PTPRN2: variants seen among roughly 807,000 people sequenced by gnomAD.
PTPRN2 encodes receptor-type tyrosine-protein phosphatase N2.
In PTPRN2, 74 loss-of-function variants were observed where a neutral mutation model predicts 118.8. That is an observed-to-expected ratio of 0.62 (90% confidence interval 0.52 to 0.76). The LOEUF (loss-of-function observed/expected upper bound fraction) is 0.76. Ranked by LOEUF, PTPRN2 falls within the 30% of genes least tolerant of loss-of-function variation. The pLI is 0.00. For synonymous variants in PTPRN2, 641 were observed against 608.0 expected (o/e 1.05, Z -0.80); for missense variants, 1,481 against 1,394.4 (o/e 1.06, Z -0.99).
At chr7:158,086,393 A>G (rs760036542) in intron 10 of PTPRN2, among the ~76,000 whole-genome samples, 1 of 152,204 alleles carries the variant, frequency 6.6e-6, no homozygotes, top group Non-Finnish European at 1.5e-5. Context: ...CTCAGCCACA[A>G]AGGGGGAATG....
At chr7:158,158,429 G>T (rs541110610) in intron 6 of PTPRN2, among the ~76,000 whole-genome samples, 1 of 152,242 alleles carries the variant, frequency 6.6e-6, no homozygotes, top group South Asian at 2.1e-4. Context: ...GTCACGGAAG[G>T]CTCGAAGGAG....
At position 158,381,728 on chromosome 7, in the gene PTPRN2, G is replaced by A. The variant is rs527676260; in HGVS notation, c.164-64796C>T. ...AGTCTGTTTTCATGCTGTTGATAAA[G>A]ACATACCCGAGACTGGGTAATTTAT... On this transcript the variant is annotated intron_variant, in intron 2 of 22. Transcript: ENST00000389418. 1.5e-3 allele frequency among the ~76,000 whole-genome samples: 226 copies of A among 152,292 alleles called. 3 individuals are homozygous for A. Among genetic ancestry groups the A allele is most frequent in the African/African-American group, 4.7e-3 (196 of 41,554 alleles).
chr7:157,688,620 G>C (rs374822153), intron 12 of PTPRN2, among the ~76,000 whole-genome samples: 1 of 152,200 alleles, frequency 6.6e-6, no homozygotes, highest in African/African-American at 2.4e-5. Context: ...GGTGCTTCTC[G>C]GGACGGGGCC....
At chr7:157,667,977 C>T (rs2150772451) in intron 13 of PTPRN2, among the ~76,000 whole-genome samples, 1 of 152,370 alleles carries the variant, frequency 6.6e-6, no homozygotes, top group Non-Finnish European at 1.5e-5. Context: ...CAGGACAGTG[C>T]TGCACCCAGA....
At chr7:158,441,777 TG>T in intron 2 of PTPRN2, among the ~76,000 whole-genome samples, 1 of 45,752 alleles carries the variant, frequency 2.2e-5, no homozygotes, top group East Asian at 1.1e-3. Context: ...ATGGCAGTGG[TG>T]GTGATGGTGA....
intron 1 of PTPRN2, among the ~76,000 whole-genome samples, chr7:158,520,744 C>T (rs540558804): frequency 2.2e-4 from 33 of 152,292 alleles, no homozygotes; most frequent in South Asian, 4.1e-4. Flanking sequence ...ATACGAAGAA[C>T]GATCGGGTGG....
chr7:157,898,608 G>A, intron 12 of PTPRN2, 65 bp downstream of exon 12: 1 of 1,457,994 alleles, frequency 6.9e-7, no homozygotes, highest in Non-Finnish European at 9.6e-7. Flanking sequence ...TGTTCTCACG[G>A]TGTTCGCCAG....
At chr7:157,912,868 T>C (rs1405016925) in intron 11 of PTPRN2, among the ~76,000 whole-genome samples, 1 of 152,198 alleles carries the variant, frequency 6.6e-6, no homozygotes, top group African/African-American at 2.4e-5. Context: ...CACAGATCCA[T>C]GTGATCTTTC....
chr7:158,064,085 C>T (rs7384787), intron 11 of PTPRN2, among the ~76,000 whole-genome samples: 11,029 of 152,256 alleles, frequency 0.072, 550 homozygotes, highest in Non-Finnish European at 0.11. Flanking sequence ...CAGAATGTGG[C>T]CATGCAGGGG....
Position 158,133,828 on chromosome 7 carries a change from C to T in PTPRN2, c.1405G>A (p.Ala469Thr), listed in dbSNP as rs567940137. 6.2e-7 allele frequency: 1 copy of T among 1,613,980 alleles called. No individual in the cohort carries two copies. Among genetic ancestry groups the T allele is most frequent in the Non-Finnish European group, 8.5e-7 (1 of 1,180,016 alleles). Residue 469 changes from alanine to threonine, a missense_variant, in exon 9 of 23, where the codon GCG becomes ACG. Ala to Thr is a moderately conservative substitution (Grantham distance 58). This residue lies in a region of PTPRN2 where 1,115 missense variants were observed against 994.2 expected (regional missense o/e 1.12). Transcript: ENST00000389418. ...ATCTGGTTTTGGAGCTCCCCAAACG[C>T]AGCGGCCCCGGGCTCCGAATGCGGC... ...QQPHSEPGAA[A>T]FGELQNQMPG...
Position 157,903,836 on chromosome 7 carries a change from T to G in PTPRN2, c.1724-5099A>C, listed in dbSNP as rs1484977500. Among the ~76,000 whole-genome samples the G allele has an allele frequency of 6.6e-6, 1 of 152,152 alleles. No homozygotes were observed. The highest frequency in any genetic ancestry group is 1.9e-4 in the East Asian group (1 of 5,184). ...GGCGCAAGCGCTTCCCACACTTCAA[T>G]CCGTCTCCCCATCCAGGCTGTGGAT... On this transcript the variant is annotated intron_variant, in intron 11 of 22. Transcript: ENST00000389418. The surrounding 1 kb of genome is among the most constrained non-coding windows in gnomAD (Gnocchi z 4.2).
intron 11 of PTPRN2, among the ~76,000 whole-genome samples, chr7:158,072,464 C>CCA (rs1812018979): frequency 6.6e-6 from 1 of 152,126 alleles, no homozygotes; most frequent in Non-Finnish European, 1.5e-5. Flanking sequence ...CAGGTGTTGA[C>CCA]CAGGTAAGAC....
At chr7:158,506,133 C>T (rs976366809) in intron 1 of PTPRN2, among the ~76,000 whole-genome samples, 3 of 152,184 alleles carry the variant, frequency 2.0e-5, no homozygotes, top group Non-Finnish European at 4.4e-5. Context: ...TGGGAGAGGG[C>T]GAGTTCTGTG....
chr7:158,476,331 C>T (rs1280056192), intron 2 of PTPRN2, among the ~76,000 whole-genome samples: 6 of 152,350 alleles, frequency 3.9e-5, no homozygotes, highest in East Asian at 1.9e-4. Flanking sequence ...CCAGACACAT[C>T]GTTTCTCCAC....
rs1460069752 is a variant in PTPRN2 at position 157,550,853 on chromosome 7, G to C, written c.2903-1834C>G. Reference sequence around the variant, plus strand: ...CGGGTTTGCTTAATTGCTCCTTTTGGGTCTCCAAAGGCCTAAAAAGTCGAC... The same window carrying C: ...CGGGTTTGCTTAATTGCTCCTTTTGCGTCTCCAAAGGCCTAAAAAGTCGAC... On this transcript the variant is annotated intron_variant, in intron 21 of 22. Transcript: ENST00000389418. The surrounding 1 kb of genome is among the most constrained non-coding windows in gnomAD (Gnocchi z 5.2). Among the ~76,000 whole-genome samples, 1 of 152,120 alleles carries C rather than the reference G, an allele frequency of 6.6e-6. No homozygotes were observed. The highest frequency in any genetic ancestry group is 1.9e-4 in the East Asian group (1 of 5,192).
intron 11 of PTPRN2, among the ~76,000 whole-genome samples, chr7:158,031,643 A>T (rs1302526699): frequency 6.6e-6 from 1 of 152,264 alleles, no homozygotes; most frequent in African/African-American, 2.4e-5. Context: ...GAGGGCAAGC[A>T]GAGGATATTC....
chr7:158,191,702 C>T (rs1392675986), intron 5 of PTPRN2, among the ~76,000 whole-genome samples: 2 of 152,264 alleles, frequency 1.3e-5, no homozygotes, highest in South Asian at 4.1e-4. Context: ...GATGCGGGTC[C>T]TTGCAGCTCC....
Position 158,192,372 on chromosome 7 carries a change from G to C in PTPRN2, c.504C>G (p.Asp168Glu), listed in dbSNP as rs143446699. ...GCGCCGTATGGGTCCTGGCGAGCACGTCTGAGGCTGGGGCCTGGGACAGGG... is the reference window on the plus strand; with the variant it reads ...GCGCCGTATGGGTCCTGGCGAGCACCTCTGAGGCTGGGGCCTGGGACAGGG... ...LEALSQAPAS[D>E]VLARTHTAQD... is the part of the protein sequence containing the mutation. The change falls in exon 5 of 23, where the codon GAC becomes GAG. Residue 168 changes from aspartate to glutamate, a missense_variant. Physicochemically the swap from Asp to Glu is conservative, Grantham distance 45. Coordinates refer to ENST00000389418, the MANE Select transcript of PTPRN2 (RefSeq NM_002847.5). 3.3e-6 allele frequency: 5 copies of C among 1,526,872 alleles called. No homozygotes were observed. The highest frequency in any genetic ancestry group is 4.4e-6 in the Non-Finnish European group (5 of 1,148,968). 94.6% of individuals were successfully genotyped at this position (1,526,872 alleles called of 1,614,324 possible).
chr7:158,040,596 T>C (rs1808390286), intron 11 of PTPRN2, among the ~76,000 whole-genome samples: 1 of 152,158 alleles, frequency 6.6e-6, no homozygotes, highest in South Asian at 2.1e-4. Flanking sequence ...ATATTGAAAA[T>C]GTTAAAAGAA....
Sources: allele counts gnomAD v4.1 joint callset (sites outside exome capture counted in the v4.1 genomes callset), GRCh38; gene constraint gnomAD v4.1.1; regional missense constraint gnomAD v4.1.1; non-coding constraint Gnocchi (gnomAD v3.1); transcripts MANE v1.5; gene names NCBI Gene and HGNC (gene_info 2026-07-23, HGNC 2026-07-21).